USP37: variants seen among roughly 807,000 people sequenced by gnomAD.
USP37 encodes ubiquitin specific peptidase 37.
In USP37, 27 loss-of-function variants were observed where a neutral mutation model predicts 124.0. That is an observed-to-expected ratio of 0.22 (90% CI 0.16 to 0.30). USP37 has a LOEUF of 0.30. Ranked by LOEUF, USP37 falls within the 10% of genes least tolerant of loss-of-function variation. The pLI is 1.00. For missense variants in USP37, 889 were observed against 1,140.4 expected (o/e 0.78, Z 3.17); for synonymous variants, 365 against 388.0 (o/e 0.94, Z 0.70).
At position 218,495,869 on chromosome 2, in the gene USP37, G is replaced by A. The variant is rs761100240; in HGVS notation, c.1363C>T (p.Pro455Ser). The change falls in exon 14 of 26, where the codon CCT becomes TCT. Residue 455 changes from proline to serine, a missense_variant. Around this residue, in one of 3 missense-constraint regions of USP37, gnomAD observed 504 missense variants for 714.3 expected, o/e 0.71. Coordinates refer to ENST00000258399, the MANE Select transcript of USP37 (RefSeq NM_020935.3). ...GGTGAATTTTCTTCTCCAGAAACAG[G>A]TTCAGTCTTCCAAGTTTTATTTAAT... ...EKLNKTWKTE[P>S]VSGEENSPDI... is the part of the protein sequence containing the mutation. 1 of 1,613,930 alleles carries A rather than the reference G, an allele frequency of 6.2e-7. No homozygotes were observed.
chr2:218,487,773 CT>C (rs1440192470), intron 15 of USP37, among the ~76,000 whole-genome samples: 1 of 151,926 alleles, frequency 6.6e-6, no homozygotes, highest in East Asian at 1.9e-4. Flanking sequence ...AATTTATAAT[CT>C]ATTTAAGCAA....
intron 16 of USP37, among the ~76,000 whole-genome samples, chr2:218,483,384 T>A (rs949027163): frequency 1.3e-5 from 2 of 152,140 alleles, no homozygotes; most frequent in African/African-American, 4.8e-5. Context: ...ACAGATTTGA[T>A]AATGGCATCA....
In USP37 at chr2:218,549,910, C is replaced by T; in HGVS notation, c.329-1G>A. ...CCAGACCCCTGAGACGGTTTCATGG[C>T]TGGTGACCAAAAATATAATTTTTTT... On this transcript the variant is annotated splice_acceptor_variant, in intron 5 of 25. Transcript: ENST00000258399. LOFTEE classifies it high-confidence loss of function. 1.3e-6 allele frequency: 2 copies of T among 1,586,814 alleles called. No homozygotes were observed. Among genetic ancestry groups the T allele is most frequent in the Non-Finnish European group, 1.7e-6 (2 of 1,169,270 alleles).
chr2:218,547,930 TTAAG>T (rs1177120394), intron 6 of USP37, among the ~76,000 whole-genome samples: 6 of 152,234 alleles, frequency 3.9e-5, no homozygotes, highest in Non-Finnish European at 7.3e-5. Context: ...ACTCTGCCAG[TTAAG>T]TTTTATATCT....
chr2:218,528,888 C>T (rs1691142374), intron 10 of USP37: 1 of 377,218 alleles, frequency 2.7e-6, no homozygotes, highest in East Asian at 3.8e-5. Flanking sequence ...TAGCCTTTTC[C>T]AATTTATTAA....
At chr2:218,526,014 T>C (rs1013762942) in intron 10 of USP37, among the ~76,000 whole-genome samples, 1 of 152,218 alleles carries the variant, frequency 6.6e-6, no homozygotes, top group Non-Finnish European at 1.5e-5. Context: ...GCAAAGGATA[T>C]GATCTCATTC....
chr2:218,540,454 T>C (rs1691912825), intron 8 of USP37, among the ~76,000 whole-genome samples: 1 of 152,004 alleles, frequency 6.6e-6, no homozygotes, highest in Admixed American at 6.6e-5. Context: ...CTGGGCAACA[T>C]AGCAAGACTG....
chr2:218,474,062 G>A (rs1437503184), intron 20 of USP37, among the ~76,000 whole-genome samples: 1 of 152,112 alleles, frequency 6.6e-6, no homozygotes, highest in Non-Finnish European at 1.5e-5. Flanking sequence ...AGGGAATGGA[G>A]AACTTGAATT....
Position 218,509,854 on chromosome 2 carries a change from T to C in USP37, c.1025+125A>G, listed in dbSNP as rs1448616663. 5 of 917,332 alleles carry C rather than the reference T, an allele frequency of 5.5e-6. No individual in the cohort carries two copies. The South Asian group carries it at 1.4e-4, about 26-fold the overall frequency. 56.8% of individuals were successfully genotyped at this position (917,332 alleles called of 1,614,324 possible). On this transcript the variant is annotated intron_variant, in intron 11 of 25. Coordinates refer to ENST00000258399, the MANE Select transcript of USP37 (RefSeq NM_020935.3). ...ACTTATGGATGTAATAAATCTTTAA[T>C]AAGTGATCTAATTTCTAAATATTTT... is the stretch of plus-strand genomic sequence containing the variant.
intron 11 of USP37, among the ~76,000 whole-genome samples, chr2:218,506,897 A>G (rs1203444017): frequency 6.6e-6 from 1 of 151,656 alleles, no homozygotes; most frequent in Admixed American, 6.6e-5. Context: ...CTTGGGTTCA[A>G]GCAATTCTCC....
chr2:218,486,030 T>C (rs1260365257), intron 15 of USP37: 1 of 312,640 alleles, frequency 3.2e-6, no homozygotes, highest in Non-Finnish European at 5.7e-6. Context: ...CTTAGCCTTT[T>C]CAGCCTTTTC....
At chr2:218,493,846 G>A (rs555494029) in intron 14 of USP37, among the ~76,000 whole-genome samples, 2 of 152,130 alleles carry the variant, frequency 1.3e-5, no homozygotes, top group African/African-American at 4.8e-5. Flanking sequence ...GACAGAGCTG[G>A]TGGACTGCCT....
chr2:218,548,998 A>G (rs1321628679), intron 6 of USP37, among the ~76,000 whole-genome samples: 2 of 152,208 alleles, frequency 1.3e-5, no homozygotes, highest in Non-Finnish European at 2.9e-5. Context: ...TTCCATTTAT[A>G]TAAAACTCCA....
chr2:218,529,874 AT>A, intron 10 of USP37, 81 bp downstream of exon 10: 1 of 1,072,144 alleles, frequency 9.3e-7, no homozygotes, highest in Non-Finnish European at 1.4e-6. Flanking sequence ...TAAGAGGATA[AT>A]ACATAACCTA....
intron 5 of USP37, among the ~76,000 whole-genome samples, chr2:218,552,840 C>T (rs2106051488): frequency 6.6e-6 from 1 of 152,216 alleles, no homozygotes; most frequent in East Asian, 1.9e-4. Flanking sequence ...TTTAAATCCT[C>T]CTCCCTGGTG....
chr2:218,503,669 C>T (rs933232093), intron 11 of USP37, among the ~76,000 whole-genome samples: 1 of 152,006 alleles, frequency 6.6e-6, no homozygotes, highest in Non-Finnish European at 1.5e-5. Context: ...GAGCCGAGAT[C>T]GCACCGTTGC....
intron 5 of USP37, among the ~76,000 whole-genome samples, chr2:218,552,686 G>A (rs1692730798): frequency 6.6e-6 from 1 of 152,182 alleles, no homozygotes; most frequent in African/African-American, 2.4e-5. Flanking sequence ...AAAGGGGTTA[G>A]AGGGGGCAGA....
At chr2:218,521,435 T>C (rs1690613888) in intron 10 of USP37, among the ~76,000 whole-genome samples, 1 of 152,162 alleles carries the variant, frequency 6.6e-6, no homozygotes, top group Admixed American at 6.5e-5. Flanking sequence ...ACCCACCATC[T>C]AGGTTTTAAG....
intron 22 of USP37, 22 bp downstream of exon 22, chr2:218,463,284 G>A (rs757809969): frequency 6.2e-7 from 1 of 1,604,060 alleles, no homozygotes; most frequent in Admixed American, 1.7e-5. Flanking sequence ...TTAAAAAAAT[G>A]TAATTAAAAA....
Sources: allele counts gnomAD v4.1 joint callset (sites outside exome capture counted in the v4.1 genomes callset), GRCh38; gene constraint gnomAD v4.1.1; regional missense constraint gnomAD v4.1.1; transcripts MANE v1.5; gene names NCBI Gene and HGNC (gene_info 2026-07-23, HGNC 2026-07-21).